The following CNBD2 variants were observed in gnomAD, a reference collection of about 807,000 sequenced individuals.
CNBD2 encodes cyclic nucleotide-binding domain-containing protein 2.
Under a neutral mutation model 63.7 loss-of-function variants are expected in CNBD2, and 64 were observed. The observed-to-expected ratio is 1.00, with a 90% CI of 0.82 to 1.24. The LOEUF (loss-of-function observed/expected upper bound fraction) is 1.24, where lower values mean the gene tolerates loss of function less well. CNBD2 is among the 50% of genes most tolerant of loss of function. CNBD2 has a pLI of 0.00. For synonymous variants in CNBD2, 229 were observed against 255.4 expected (o/e 0.90, Z 0.99); for missense variants, 691 against 713.5 (o/e 0.97, Z 0.36).
At chr20:35,955,387 A>C (rs368962254), downstream of CNBD2, 4 of 152,330 alleles carry the variant, frequency 2.6e-5, no homozygotes, top group African/African-American at 9.6e-5. Flanking sequence ...TTTACTTTTT[A>C]AATGCAGCTT....
intron 10 of CNBD2, among the ~76,000 whole-genome samples, chr20:36,016,616 C>G (rs1275250428): frequency 6.6e-6 from 1 of 151,894 alleles, no homozygotes. Context: ...ATGGTGAAAC[C>G]CTGTCTCTAC....
At chr20:35,999,954 C>G (rs937207769) in intron 8 of CNBD2, among the ~76,000 whole-genome samples, 1 of 152,154 alleles carries the variant, frequency 6.6e-6, no homozygotes, top group Non-Finnish European at 1.5e-5. Flanking sequence ...GCTGGGATTA[C>G]AGGCATCAGC....
intron 8 of CNBD2, among the ~76,000 whole-genome samples, chr20:35,996,827 T>G (rs2056832436): frequency 6.6e-6 from 1 of 152,136 alleles, no homozygotes; most frequent in Non-Finnish European, 1.5e-5. Context: ...TTTAAGAAGG[T>G]ACGATTGTAC....
chr20:36,029,027 G>A (rs1601115304), intron 11 of CNBD2, among the ~76,000 whole-genome samples: 2 of 152,142 alleles, frequency 1.3e-5, no homozygotes, highest in Non-Finnish European at 2.9e-5. Flanking sequence ...CAGTTCAAGT[G>A]AGACAGGGGA....
At chr20:35,959,418 C>T (rs931666052), downstream of CNBD2, 11 of 152,384 alleles carry the variant, frequency 7.2e-5, no homozygotes, top group Admixed American at 2.0e-4. Flanking sequence ...CTCACAGCTC[C>T]ACGTGGCTAG....
At chr20:35,964,553 G>A (rs1336685074), upstream of CNBD2, among the ~76,000 whole-genome samples, 1 of 135,092 alleles carries the variant, frequency 7.4e-6, no homozygotes, top group African/African-American at 3.2e-5. Context: ...ACCACGCCCG[G>A]CTATTTTTTT....
intron 2 of CNBD2, chr20:35,973,923 G>A (rs2056461406): frequency 6.6e-6 from 1 of 152,184 alleles, no homozygotes; most frequent in African/African-American, 2.4e-5. Flanking sequence ...CCATTTTTCT[G>A]TTGTTTCAGG....
intron 3 of CNBD2, 57 bp downstream of exon 3, chr20:35,976,059 A>C (rs1006411725): frequency 1.4e-6 from 2 of 1,477,806 alleles, no homozygotes; most frequent in African/African-American, 2.8e-5. Context: ...CCTGGCTTGG[A>C]AGAAACCCTG....
intron 4 of CNBD2, among the ~76,000 whole-genome samples, chr20:35,981,775 A>T (rs1411601085): frequency 6.6e-6 from 1 of 151,996 alleles, no homozygotes; most frequent in Non-Finnish European, 1.5e-5. Flanking sequence ...TTCCAGGCTG[A>T]TACTGGTTTG....
At chr20:35,984,242 T>A in intron 5 of CNBD2, 104 bp downstream of exon 5, 1 of 1,223,780 alleles carries the variant, frequency 8.2e-7, no homozygotes, top group Non-Finnish European at 1.1e-6. Flanking sequence ...TAGTACTCTG[T>A]ACAAGTCAGT....
At chr20:36,023,295 C>T (rs1208060119) in intron 10 of CNBD2, among the ~76,000 whole-genome samples, 1 of 152,102 alleles carries the variant, frequency 6.6e-6, no homozygotes, top group Non-Finnish European at 1.5e-5. Context: ...GAGACCGAGG[C>T]GGGTAGATCA....
intron 7 of CNBD2, among the ~76,000 whole-genome samples, chr20:35,993,766 G>A (rs1291355873): frequency 6.6e-6 from 1 of 150,926 alleles, no homozygotes; most frequent in African/African-American, 2.4e-5. Context: ...TTCAATTTTG[G>A]AATAATTTTA....
chr20:36,029,355 T>C (rs576815315), intron 11 of CNBD2, among the ~76,000 whole-genome samples: 1 of 152,300 alleles, frequency 6.6e-6, no homozygotes, highest in South Asian at 2.1e-4. Flanking sequence ...TTGTTGTTAT[T>C]TATTATGTAA....
At chr20:35,954,557 G>C (rs1467649644), upstream of CNBD2, 1 of 1,487,650 alleles carries the variant, frequency 6.7e-7, no homozygotes, top group East Asian at 2.8e-5. Context: ...CGGAAGCGGC[G>C]CCCTCTAGCG....
intron 11 of CNBD2, among the ~76,000 whole-genome samples, chr20:36,027,823 C>T (rs979390813): frequency 2.0e-5 from 3 of 151,868 alleles, no homozygotes; most frequent in South Asian, 2.1e-4. Context: ...TTACAGGCGC[C>T]GCCACCACAC....
intron 8 of CNBD2, among the ~76,000 whole-genome samples, chr20:35,998,678 G>T (rs866144045): frequency 1.5e-4 from 23 of 151,914 alleles, no homozygotes; most frequent in Admixed American, 9.2e-4. Context: ...AGACCAGCCT[G>T]GCCAACATAT....
rs772914329 is a variant in CNBD2 at position 35,984,045 on chromosome 20, C to T, written c.471C>T (p.Tyr157=). The part of the protein sequence containing the change: ...GQKGNSFYFI[Y]LGTVAITKDE... ...AGGGCAACAGCTTTTATTTCATCTA[C>T]CTGGGCACAGTTGCAATAACCAAGG... The change falls in exon 5 of 12, where the codon TAC becomes TAT. Residue 157 remains tyrosine, a synonymous_variant. Coordinates refer to ENST00000373973, the MANE Select transcript of CNBD2 (RefSeq NM_001365709.1). 1.9e-6 allele frequency: 3 copies of T among 1,614,080 alleles called. No homozygotes were observed. Among genetic ancestry groups the T allele is most frequent in the Admixed American group, 1.7e-5 (1 of 60,004 alleles).
At chr20:35,981,262 T>C (rs1295442788) in intron 4 of CNBD2, among the ~76,000 whole-genome samples, 1 of 152,122 alleles carries the variant, frequency 6.6e-6, no homozygotes, top group Admixed American at 6.6e-5. Context: ...CCCAAAAATG[T>C]TGGTTGAGCT....
chr20:35,995,056 C>G lies in CNBD2; in HGVS notation c.874C>G (p.Arg292Gly). Reference sequence around the variant, plus strand: ...TGTTCAGGGCAGCTGTGAAGTCCTGCGGCTGTTGGACCTTGGGGCCTCCCC... The same window carrying G: ...TGTTCAGGGCAGCTGTGAAGTCCTGGGGCTGTTGGACCTTGGGGCCTCCCC... ...FISKGSCEVL[R>G]LLDLGASPSY... Residue 292 changes from arginine (R) to glycine (G), a missense_variant, in exon 8 of 12, where the codon CGG becomes GGG. Coordinates refer to ENST00000373973, the MANE Select transcript of CNBD2 (RefSeq NM_001365709.1). 1 of 1,613,972 alleles carries G rather than the reference C, an allele frequency of 6.2e-7. No individual in the cohort carries two copies. The highest frequency in any genetic ancestry group is 8.5e-7 in the Non-Finnish European group (1 of 1,179,846).
Sources: gnomAD v4.1 joint callset for allele counts (sites outside exome capture counted in the v4.1 genomes callset) on GRCh38, gnomAD v4.1.1 for gene constraint, MANE v1.5 for transcripts, NCBI Gene and HGNC (gene_info 2026-07-23, HGNC 2026-07-21) for gene names.